Variants in EMC8 observed in about 807,000 individuals in gnomAD.
EMC8 encodes COX4 neighbor.
A neutral mutation model predicts 24.3 loss-of-function variants in EMC8; 11 were observed. That is an observed-to-expected ratio of 0.45 (90% confidence interval 0.28 to 0.75). The LOEUF is 0.75. EMC8 is among the 30% of genes least tolerant of loss of function. EMC8 has a pLI of 0.12. For missense variants in EMC8, 277 were observed against 282.7 expected, an observed-to-expected ratio of 0.98 and a Z score of 0.14; for synonymous variants, 145 against 117.7, an observed-to-expected ratio of 1.23 and a Z score of -1.50.
rs1309387668 is a variant in EMC8, at chr16:85,799,511, C to T, written c.-216G>A. 1 of 386,262 alleles carries T rather than the reference C, an allele frequency of 2.6e-6. No individual in the cohort carries two copies. The highest frequency in any genetic ancestry group is 3.9e-5 in the East Asian group (1 of 25,654). The allele number at this position is 386,262 out of a possible 1,614,324, so 23.9% of individuals were successfully genotyped here. ...TCTGGGAAGCCGCAGCCCCAGACTC[C>T]AGTCGCGCTTCTCGCCCGGCGCCGC... On this transcript the variant is annotated 5_prime_UTR_variant, in exon 1 of 5. Coordinates refer to ENST00000253457, the MANE Select transcript of EMC8 (RefSeq NM_006067.5). The surrounding 1 kb of genome is among the most constrained non-coding windows in gnomAD (Gnocchi z 4.2).
rs1000834522 is a variant in EMC8, at chr16:85,799,441, C to G, written c.-146G>C. On this transcript the variant is annotated 5_prime_UTR_variant, in exon 1 of 5. Transcript: ENST00000253457. This position sits in a 1 kb window ranked among gnomAD's most constrained non-coding sequence, Gnocchi z 4.2. The stretch of plus-strand genomic sequence containing the variant: ...GCGGGCTGGCGGGGGACCCTTCAGG[C>G]CCGGCCCCGTTTGGGCCTCGGCTCC... 1.1e-5 allele frequency: 5 copies of G among 440,508 alleles called. No homozygotes were observed. The highest frequency in any genetic ancestry group is 8.2e-5 in the African/African-American group (4 of 48,506). 27.3% of individuals were successfully genotyped at this position (440,508 alleles called of 1,614,324 possible).
intron 4 of EMC8, 63 bp downstream of exon 4, chr16:85,780,316 T>C: frequency 1.7e-6 from 2 of 1,174,172 alleles, no homozygotes; most frequent in Non-Finnish European, 2.5e-6. Flanking sequence ...GGGGTGAGAG[T>C]GGCTCTCACG....
intron 2 of EMC8, among the ~76,000 whole-genome samples, chr16:85,788,615 A>G (rs1393567602): frequency 6.6e-6 from 1 of 152,252 alleles, no homozygotes; most frequent in East Asian, 1.9e-4. Flanking sequence ...TTACCGGCAA[A>G]TAGAGCAACA....
In EMC8 at chr16:85,778,818, A is replaced by G. The variant is rs1003026327; in HGVS notation, c.*890T>C. 2 of 152,208 alleles carry G rather than the reference A, an allele frequency of 1.3e-5. No homozygotes were observed. The highest frequency in any genetic ancestry group is 2.4e-5 in the African/African-American group (1 of 41,450). 9.4% of individuals were successfully genotyped at this position (152,208 alleles called of 1,614,324 possible). A position where few individuals can be genotyped will look rare whatever the true frequency, so the allele number is the denominator to read the frequency against. On this transcript the variant is annotated 3_prime_UTR_variant, in exon 5 of 5. Coordinates refer to ENST00000253457, the MANE Select transcript of EMC8 (RefSeq NM_006067.5). ...AACTTTGTACAAAATAATTCATATA[A>G]AAAGGAAAAAAGGTAAACGTACCAT...
intron 1 of EMC8, among the ~76,000 whole-genome samples, chr16:85,792,046 C>T (rs1408279468): frequency 1.3e-5 from 2 of 152,164 alleles, no homozygotes; most frequent in Non-Finnish European, 2.9e-5. Context: ...TTCCTGAAGA[C>T]CCCCAGCAGC....
At chr16:85,781,886 T>G (rs1007692798) in intron 2 of EMC8, 2 of 152,908 alleles carry the variant, frequency 1.3e-5, no homozygotes, top group Non-Finnish European at 2.9e-5. Context: ...GTATTTTCCC[T>G]GACAGGTAAA....
At chr16:85,796,795 T>C (rs1165041218) in intron 1 of EMC8, among the ~76,000 whole-genome samples, 1 of 152,228 alleles carries the variant, frequency 6.6e-6, no homozygotes, top group East Asian at 1.9e-4. Flanking sequence ...TTCCTTTCTC[T>C]GGGCAACCTG....
At chr16:85,795,763 C>A (rs1297344063) in intron 1 of EMC8, among the ~76,000 whole-genome samples, 10 of 152,154 alleles carry the variant, frequency 6.6e-5, no homozygotes, top group Non-Finnish European at 8.8e-5. Flanking sequence ...GCAAATTAAT[C>A]AAATCCAAAC....
At chr16:85,789,098 A>G (rs1904888608) in intron 1 of EMC8, 48 bp from the exon 2 acceptor site, 1 of 1,272,180 alleles carries the variant, frequency 7.9e-7, no homozygotes, top group Non-Finnish European at 1.2e-6. Context: ...TCTCCCTTAA[A>G]TATCAAGTCG....
intron 1 of EMC8, 23 bp from the exon 2 acceptor site, chr16:85,789,073 GA>G (rs1345108766): frequency 1.3e-6 from 2 of 1,519,838 alleles, no homozygotes; most frequent in African/African-American, 1.4e-5. Flanking sequence ...CAAAAATTGG[GA>G]AAAGATGAAT....
intron 1 of EMC8, chr16:85,792,541 G>C (rs1224709195): frequency 6.6e-6 from 1 of 152,262 alleles, no homozygotes; most frequent in Non-Finnish European, 1.5e-5. Context: ...GGGTGGATGA[G>C]TTCTAATAAG....
At chr16:85,783,310 A>G (rs1004767092) in intron 2 of EMC8, among the ~76,000 whole-genome samples, 2 of 136,894 alleles carry the variant, frequency 1.5e-5, no homozygotes, top group Non-Finnish European at 3.0e-5. Context: ...CAAAAAAAAA[A>G]GAGACAGAGT....
At chr16:85,788,432 T>A (rs1267957638) in intron 2 of EMC8, among the ~76,000 whole-genome samples, 10 of 152,278 alleles carry the variant, frequency 6.6e-5, no homozygotes, top group Admixed American at 6.5e-4. Flanking sequence ...TGTTTTTCTG[T>A]TGGGACCAAG....
chr16:85,795,552 T>C (rs1197765195), intron 1 of EMC8, among the ~76,000 whole-genome samples: 1 of 138,826 alleles, frequency 7.2e-6, no homozygotes, highest in Non-Finnish European at 1.6e-5. Flanking sequence ...TCTTAAGACC[T>C]CCAGGAGAGG....
chr16:85,785,058 CA>C (rs1309676268), intron 2 of EMC8: 1 of 152,204 alleles, frequency 6.6e-6, no homozygotes, highest in East Asian at 1.9e-4. Context: ...AGTGATCTCC[CA>C]CCCCAGCCTC....
intron 1 of EMC8, among the ~76,000 whole-genome samples, chr16:85,790,912 G>T (rs1904978419): frequency 6.6e-6 from 1 of 152,002 alleles, no homozygotes; most frequent in Non-Finnish European, 1.5e-5. Flanking sequence ...CTGCAGCCTT[G>T]AACTCCTGGG....
intron 4 of EMC8, chr16:85,780,115 G>A (rs540935382): frequency 5.0e-6 from 3 of 600,602 alleles, no homozygotes; most frequent in East Asian, 2.8e-5. Context: ...AGCTTTCTGA[G>A]TGGCCACAGA....
chr16:85,791,918 A>C (rs1905028479), intron 1 of EMC8, among the ~76,000 whole-genome samples: 1 of 152,220 alleles, frequency 6.6e-6, no homozygotes, highest in Admixed American at 6.5e-5. Context: ...CTTTTGCTAC[A>C]TAAGGCCTGG....
chr16:85,799,324 T>C lies in EMC8; in HGVS notation c.-29A>G. The stretch of plus-strand genomic sequence containing the variant: ...GACCCGGGAGGGCCCCGGAGGCCCC[T>C]GGGCGCGCGGCTGAGGCCTGGACCC... On this transcript the variant is annotated 5_prime_UTR_variant, in exon 1 of 5. Coordinates refer to ENST00000253457, the MANE Select transcript of EMC8 (RefSeq NM_006067.5). The surrounding 1 kb of genome is among the most constrained non-coding windows in gnomAD (Gnocchi z 4.2). 6.6e-7 allele frequency: 1 copy of C among 1,513,074 alleles called. No individual in the cohort carries two copies. The highest frequency in any genetic ancestry group is 9.0e-7 in the Non-Finnish European group (1 of 1,115,978). The allele number at this position is 1,513,074 out of a possible 1,614,324, so 93.7% of individuals were successfully genotyped here. A position where few individuals can be genotyped will look rare whatever the true frequency, so the allele number is the denominator to read the frequency against.
Sources: allele counts gnomAD v4.1 joint callset (sites outside exome capture counted in the v4.1 genomes callset), GRCh38; gene constraint gnomAD v4.1.1; non-coding constraint Gnocchi (gnomAD v3.1); transcripts MANE v1.5; gene names NCBI Gene and HGNC (gene_info 2026-07-23, HGNC 2026-07-21).